Variants in PIBF1 observed in about 807,000 individuals in gnomAD.
PIBF1 encodes the protein progesterone-induced-blocking factor 1.
Under a neutral mutation model 112.5 loss-of-function variants are expected in PIBF1, and 90 were observed. The ratio of observed to expected loss-of-function variants is 0.80; its 90% CI spans 0.67 to 0.95. The LOEUF is 0.95. Ranked by LOEUF, PIBF1 falls within the 40% of genes least tolerant of loss-of-function variation. PIBF1 has a pLI of 0.00. For synonymous variants in PIBF1, 301 were observed against 288.6 expected, an observed-to-expected ratio of 1.04 and a Z score of -0.44; for missense variants, 915 against 852.3, an observed-to-expected ratio of 1.07 and a Z score of -0.92.
At chr13:72,964,039 T>G (rs948741453) in intron 14 of PIBF1, among the ~76,000 whole-genome samples, 7 of 152,216 alleles carry the variant, frequency 4.6e-5, no homozygotes, top group Admixed American at 2.0e-4. Flanking sequence ...TGTCCACCAA[T>G]GTTCATAGCA....
intron 13 of PIBF1, among the ~76,000 whole-genome samples, chr13:72,927,976 T>TAC (rs1342273948): frequency 1.8e-3 from 142 of 80,962 alleles, no homozygotes; most frequent in South Asian, 2.9e-3. Flanking sequence ...TATATATATA[T>TAC]ACATATATAT....
At chr13:72,998,710 ATG>A (rs2139027111) in intron 16 of PIBF1, 110 bp from the exon 17 acceptor site, 3 of 666,922 alleles carry the variant, frequency 4.5e-6, no homozygotes, top group East Asian at 2.8e-5. Flanking sequence ...TTCACAACTT[ATG>A]TGTGTAGTAT....
At chr13:72,987,691 T>TG (rs2043334213) in intron 16 of PIBF1, among the ~76,000 whole-genome samples, 1 of 149,124 alleles carries the variant, frequency 6.7e-6, no homozygotes, top group Non-Finnish European at 1.5e-5. Flanking sequence ...GTTGTTTTTT[T>TG]TTTTGAGAAG....
At chr13:72,833,051 A>G (rs952444376) in intron 8 of PIBF1, among the ~76,000 whole-genome samples, 2 of 151,952 alleles carry the variant, frequency 1.3e-5, no homozygotes, top group Admixed American at 1.3e-4. Flanking sequence ...CTTCCACTTG[A>G]TCGATTTGGC....
At chr13:72,824,510 A>G (rs1328662291) in intron 6 of PIBF1, among the ~76,000 whole-genome samples, 3 of 152,178 alleles carry the variant, frequency 2.0e-5, no homozygotes, top group Non-Finnish European at 4.4e-5. Context: ...TTTTTTTAAT[A>G]CATCATCTTT....
At chr13:72,858,620 T>G (rs1217000581) in intron 10 of PIBF1, among the ~76,000 whole-genome samples, 1 of 152,194 alleles carries the variant, frequency 6.6e-6, no homozygotes, top group Non-Finnish European at 1.5e-5. Context: ...GTTGCATGGT[T>G]GGTGGACAGA....
chr13:72,909,742 T>A (rs1024040656), intron 12 of PIBF1, among the ~76,000 whole-genome samples: 2 of 152,132 alleles, frequency 1.3e-5, no homozygotes, highest in East Asian at 3.9e-4. Context: ...TCTGCCCGCC[T>A]CGACCTCCCA....
chr13:72,851,343 C>G (rs2038145042), intron 9 of PIBF1, among the ~76,000 whole-genome samples: 1 of 152,264 alleles, frequency 6.6e-6, no homozygotes, highest in African/African-American at 2.4e-5. Context: ...CTCCCTACTC[C>G]CAGCACCCAC....
At chr13:72,885,564 A>T (rs150699299) in intron 10 of PIBF1, among the ~76,000 whole-genome samples, 11 of 152,202 alleles carry the variant, frequency 7.2e-5, no homozygotes, top group African/African-American at 2.6e-4. Flanking sequence ...TATTTACTAG[A>T]TCCTAGGAAT....
chr13:72,875,031 T>A (rs2039336828), intron 10 of PIBF1, among the ~76,000 whole-genome samples: 1 of 152,040 alleles, frequency 6.6e-6, no homozygotes. Flanking sequence ...GGTTGTACAT[T>A]CTGTATGTTT....
At chr13:73,010,807 T>TCTC (rs1244435170) in intron 17 of PIBF1, among the ~76,000 whole-genome samples, 39 of 129,860 alleles carry the variant, frequency 3.0e-4, no homozygotes, top group Admixed American at 5.4e-4. Flanking sequence ...ATCATTAACT[T>TCTC]TTCTTTTTTT....
intron 10 of PIBF1, among the ~76,000 whole-genome samples, chr13:72,860,295 G>C: frequency 7.0e-6 from 1 of 142,428 alleles, no homozygotes; most frequent in African/African-American, 2.6e-5. Context: ...CGCTTTCCCT[G>C]TGTTTTTTTA....
rs1263883110 is a variant in PIBF1, at chr13:72,894,239, C to G, written c.1488+290C>G. ...CAGTGCAGAATGTATACGAAGAAAACTATAGAACTTCACTGACATGTGAAA... is the reference window on the plus strand; with the variant it reads ...CAGTGCAGAATGTATACGAAGAAAAGTATAGAACTTCACTGACATGTGAAA... On this transcript the variant is annotated intron_variant, in intron 11 of 17. Transcript: ENST00000326291. 9.2e-5 allele frequency among the ~76,000 whole-genome samples: 14 copies of G among 151,922 alleles called. 1 individual carries two copies. Among genetic ancestry groups the G allele is most frequent in the Admixed American group, 7.9e-4 (12 of 15,232 alleles).
chr13:72,934,314 T>G (rs1027437921), intron 14 of PIBF1, among the ~76,000 whole-genome samples: 1 of 152,204 alleles, frequency 6.6e-6, no homozygotes, highest in African/African-American at 2.4e-5. Flanking sequence ...TTTATTTATT[T>G]TTGAGACAGA....
At position 72,960,183 on chromosome 13, in the gene PIBF1, C is replaced by T. The variant is rs534462266; in HGVS notation, c.1834-5091C>T. Among the ~76,000 whole-genome samples, 6 of 152,208 alleles carry T rather than the reference C, an allele frequency of 3.9e-5. No homozygotes were observed. The South Asian group carries it at 6.2e-4, about 16-fold the overall frequency. The stretch of plus-strand genomic sequence containing the variant: ...ATAGTATTTATTATCCAGAGTAAGG[C>T]GGTTATAGGTTTTATGTTAAAGATA... On this transcript the variant is annotated intron_variant, in intron 14 of 17. Coordinates refer to ENST00000326291, the MANE Select transcript of PIBF1 (RefSeq NM_006346.4).
Position 72,873,927 on chromosome 13 carries a change from G to A in PIBF1, c.1322+19772G>A, listed in dbSNP as rs998338807. On this transcript the variant is annotated intron_variant, in intron 10 of 17. Transcript: ENST00000326291. ...ACTCAATTTAACATTTTTTAAAATG[G>A]CCAAAGGATTTGAACAGCCACTTCA... Among the ~76,000 whole-genome samples, 16 of 152,230 alleles carry A rather than the reference G, an allele frequency of 1.1e-4. No individual in the cohort carries two copies. The East Asian group carries it at 1.2e-3, about 11-fold the overall frequency.
At chr13:72,962,394 C>A (rs2042629489) in intron 14 of PIBF1, among the ~76,000 whole-genome samples, 1 of 152,066 alleles carries the variant, frequency 6.6e-6, no homozygotes, top group Admixed American at 6.6e-5. Context: ...CTCAGGAGTT[C>A]AAGCCCATCC....
chr13:72,917,147 A>G lies in PIBF1; in HGVS notation c.1711A>G (p.Lys571Glu), dbSNP rs749333558. The G allele has an allele frequency of 1.7e-5, 27 of 1,585,518 alleles. No individual in the cohort carries two copies. Among genetic ancestry groups the G allele is most frequent in the Non-Finnish European group, 2.2e-5 (26 of 1,165,312 alleles). Residue 571 changes from lysine (K) to glutamate (E), a missense_variant, in exon 13 of 18, where the codon AAA (lysine) becomes GAA (glutamate). Physicochemically the swap from Lys to Glu is moderately conservative, Grantham distance 56. Coordinates refer to ENST00000326291, the MANE Select transcript of PIBF1 (RefSeq NM_006346.4). The stretch of plus-strand genomic sequence containing the variant: ...TGGTGCTAATGTTCCCACAACAGCC[A>G]AAAGACGACTAAAGCAAAGGTAAAA... ...GYGANVPTTA[K>E]RRLKQSVHLA...
At chr13:72,874,154 TCA>T (rs759827692) in intron 10 of PIBF1, among the ~76,000 whole-genome samples, 26 of 152,344 alleles carry the variant, frequency 1.7e-4, no homozygotes, top group Non-Finnish European at 3.1e-4. Flanking sequence ...GAATGCAGAA[TCA>T]CAGTCACTTT....
Sources: allele counts gnomAD v4.1 joint callset (sites outside exome capture counted in the v4.1 genomes callset), GRCh38; gene constraint gnomAD v4.1.1; transcripts MANE v1.5; gene names NCBI Gene and HGNC (gene_info 2026-07-23, HGNC 2026-07-21).